Variants in WDR33 observed in about 807,000 individuals in gnomAD.
The protein encoded by WDR33 is WD repeat domain 33.
In WDR33, 47 loss-of-function variants were observed where a neutral mutation model predicts 164.9. The observed-to-expected ratio is 0.29, with a 90% confidence interval of 0.23 to 0.36. The LOEUF (loss-of-function observed/expected upper bound fraction) is 0.36, where lower values mean the gene tolerates loss of function less well. Ranked by LOEUF, WDR33 falls within the 10% of genes least tolerant of loss-of-function variation. The pLI is 1.00. For synonymous variants in WDR33, 505 were observed against 589.0 expected (o/e 0.86, Z 2.06); for missense variants, 1,137 against 1,754.1 (o/e 0.65, Z 6.28).
At position 127,763,901 on chromosome 2, in the gene WDR33, G is replaced by T; in HGVS notation, c.627-742C>A. 3.0e-6 allele frequency: 3 copies of T among 985,636 alleles called. No homozygotes were observed. Among genetic ancestry groups the T allele is most frequent in the Non-Finnish European group, 2.4e-6 (2 of 830,164 alleles). 61.1% of individuals were successfully genotyped at this position (985,636 alleles called of 1,614,324 possible). On this transcript the variant is annotated intron_variant, in intron 6 of 21. Coordinates refer to ENST00000322313, the MANE Select transcript of WDR33 (RefSeq NM_018383.5). This position sits in a 1 kb window ranked among gnomAD's most constrained non-coding sequence, Gnocchi z 4.5. ...ACCAGCTGTGTAAACTCAATGTATG[G>T]GCATGACACTAAGGCAAAATCTACA...
rs529202766 is a variant in WDR33, at chr2:127,736,200, G to A, written c.725-9423C>T. The A allele has an allele frequency of 7.8e-5, 77 of 985,398 alleles. 1 individual carries two copies. The South Asian group carries it at 3.2e-3, about 41-fold the overall frequency. 61.0% of individuals were successfully genotyped at this position (985,398 alleles called of 1,614,324 possible). A position where few individuals can be genotyped will look rare whatever the true frequency, so the allele number is the denominator to read the frequency against. On this transcript the variant is annotated intron_variant, in intron 7 of 21. Transcript: ENST00000322313. Reference sequence around the variant, plus strand: ...GTACTTCCAAGTCTGCCAGAAGGCTGATTTTGGAAATGTGAAACACTAGCT... The same window carrying A: ...GTACTTCCAAGTCTGCCAGAAGGCTAATTTTGGAAATGTGAAACACTAGCT...
rs1031766815 is a variant in WDR33, at chr2:127,706,092, AAAC to A, written c.*228_*230del. ...AAAGATCCCAGCTTTTATCTTCACA[AAAC>A]AACATGGGAGTTGGGGCAATGAGGG... On this transcript the variant is annotated 3_prime_UTR_variant, in exon 22 of 22. Coordinates refer to ENST00000322313, the MANE Select transcript of WDR33 (RefSeq NM_018383.5). This position sits in a 1 kb window ranked among gnomAD's most constrained non-coding sequence, Gnocchi z 5.1. 1 of 399,780 alleles carries A rather than the reference AAAC, an allele frequency of 2.5e-6. No homozygotes were observed. The allele number at this position is 399,780 out of a possible 1,614,324, so 24.8% of individuals were successfully genotyped here.
chr2:127,711,768 A>ATTTTT lies in WDR33; in HGVS notation c.3308+1814_3308+1815insAAAAA, dbSNP rs1441301170. On this transcript the variant is annotated intron_variant, in intron 18 of 21. Transcript: ENST00000322313. ...CATATACAGATATATATATATATAT[A>ATTTTT]TATATATATATATTTTTTTTTTGAG... 2.1e-3 allele frequency among the ~76,000 whole-genome samples: 146 copies of ATTTTT among 70,232 alleles called. 6 individuals carry two copies. The highest frequency in any genetic ancestry group is 1.9e-3 in the African/African-American group (17 of 9,006). The allele number at this position is 70,232 out of a possible 152,430, so 46.1% of individuals were successfully genotyped here.
chr2:127,785,547 T>C (rs567733456), intron 1 of WDR33, among the ~76,000 whole-genome samples: 1 of 152,238 alleles, frequency 6.6e-6, no homozygotes. Flanking sequence ...CTTTCCAGAA[T>C]GTCATACAGT....
chr2:127,771,608 T>C (rs1374620993), intron 1 of WDR33, among the ~76,000 whole-genome samples: 7 of 151,976 alleles, frequency 4.6e-5, no homozygotes, highest in Non-Finnish European at 1.5e-5. Flanking sequence ...GAGATTCCCA[T>C]CTCTACAAAA....
At chr2:127,750,688 A>ATATG (rs1399892007) in intron 7 of WDR33, among the ~76,000 whole-genome samples, 2 of 50,918 alleles carry the variant, frequency 3.9e-5, no homozygotes, top group African/African-American at 2.4e-4. Context: ...ATATATATAT[A>ATATG]TATATATATA....
chr2:127,724,860 C>T lies in WDR33; in HGVS notation c.1085+27G>A, dbSNP rs1686527899. On this transcript the variant is annotated intron_variant, in intron 10 of 21. Coordinates refer to ENST00000322313, the MANE Select transcript of WDR33 (RefSeq NM_018383.5). This position sits in a 1 kb window ranked among gnomAD's most constrained non-coding sequence, Gnocchi z 4.8. ...TCACGTGCTCTCTTCACAAAATACA[C>T]TACTTTTTCACATAAATCTTACATA... The T allele has an allele frequency of 1.2e-6, 2 of 1,611,890 alleles. No homozygotes were observed. Among genetic ancestry groups the T allele is most frequent in the African/African-American group, 2.7e-5 (2 of 74,980 alleles).
At chr2:127,784,816 C>T (rs1688504522) in intron 1 of WDR33, among the ~76,000 whole-genome samples, 1 of 152,144 alleles carries the variant, frequency 6.6e-6, no homozygotes, top group African/African-American at 2.4e-5. Flanking sequence ...ATACTGGTTC[C>T]AGAGAATTAC....
In WDR33 at chr2:127,706,140, C is replaced by A; in HGVS notation, c.*183G>T. On this transcript the variant is annotated 3_prime_UTR_variant, in exon 22 of 22. Transcript: ENST00000322313. The surrounding 1 kb of genome is among the most constrained non-coding windows in gnomAD (Gnocchi z 5.1). ...TGAGGGTGGACAGGACAGGGCCAGCCAGGCTGGTAGCTGGCAGCAGTCTCT... is the reference window on the plus strand; with the variant it reads ...TGAGGGTGGACAGGACAGGGCCAGCAAGGCTGGTAGCTGGCAGCAGTCTCT... The A allele has an allele frequency of 2.2e-6, 1 of 461,900 alleles. No homozygotes were observed. The highest frequency in any genetic ancestry group is 7.0e-5 in the South Asian group (1 of 14,270). 28.6% of individuals were successfully genotyped at this position (461,900 alleles called of 1,614,324 possible). A position where few individuals can be genotyped will look rare whatever the true frequency, so the allele number is the denominator to read the frequency against.
rs1415143244 is a variant in WDR33, at chr2:127,724,440, T to C, written c.1089A>G (p.Val363=). 1 of 1,613,610 alleles carries C rather than the reference T, an allele frequency of 6.2e-7. No homozygotes were observed. Among genetic ancestry groups the C allele is most frequent in the Non-Finnish European group, 8.5e-7 (1 of 1,179,700 alleles). The change falls in exon 11 of 22, where the codon GTA becomes GTG. Residue 363 remains valine (V), a synonymous_variant. Transcript: ENST00000322313. This position sits in a 1 kb window ranked among gnomAD's most constrained non-coding sequence, Gnocchi z 4.8. ...TCTCCATCCCACCCACTTCCTTCTC[T>C]ACCCTGCAACAGCACCAAAGAGAGA... is the stretch of plus-strand genomic sequence containing the variant. ...DGSLLFWHVG[V]EKEVGGMEMA... is the part of the protein sequence containing the mutation.
Position 127,717,020 on chromosome 2 carries a change from G to A in WDR33, c.2869+135C>T. On this transcript the variant is annotated intron_variant, in intron 17 of 21. Transcript: ENST00000322313. This position sits in a 1 kb window ranked among gnomAD's most constrained non-coding sequence, Gnocchi z 5.6. ...ACAACCAAAGACAAAGCTCCTACCT[G>A]AATGACCACACCCTTATTTTGCCCA... 1.1e-6 allele frequency: 1 copy of A among 871,564 alleles called. No individual in the cohort carries two copies. The highest frequency in any genetic ancestry group is 2.2e-5 in the Admixed American group (1 of 45,336). The allele number at this position is 871,564 out of a possible 1,614,324, so 54.0% of individuals were successfully genotyped here.
intron 1 of WDR33, among the ~76,000 whole-genome samples, chr2:127,771,805 G>A (rs1182286024): frequency 1.4e-5 from 2 of 140,050 alleles, no homozygotes; most frequent in African/African-American, 5.1e-5. Flanking sequence ...GGGAGGGAGG[G>A]AGGGGGCAGG....
At chr2:127,793,008 G>C (rs1407821344) in intron 1 of WDR33, among the ~76,000 whole-genome samples, 1 of 152,082 alleles carries the variant, frequency 6.6e-6, no homozygotes, top group Admixed American at 6.6e-5. Flanking sequence ...AATTAGATGA[G>C]TTAGCATAAA....
chr2:127,781,740 T>A (rs12988929), intron 1 of WDR33, among the ~76,000 whole-genome samples: 20,115 of 151,058 alleles, frequency 0.13, 1,452 homozygotes, highest in South Asian at 0.26. Flanking sequence ...GGCTCATGCC[T>A]ATAATCCTAG....
At chr2:127,794,403 G>A (rs1688952209) in intron 1 of WDR33, among the ~76,000 whole-genome samples, 1 of 151,564 alleles carries the variant, frequency 6.6e-6, no homozygotes, top group African/African-American at 2.4e-5. Flanking sequence ...GGGGGGCTGA[G>A]GCAGGAGAAT....
chr2:127,792,486 C>A (rs1271779040), intron 1 of WDR33, among the ~76,000 whole-genome samples: 1 of 151,268 alleles, frequency 6.6e-6, no homozygotes, highest in Non-Finnish European at 1.5e-5. Flanking sequence ...CATGGTGAAA[C>A]CCCGTCTCTA....
rs1374528488 is a variant in WDR33, at chr2:127,719,021, T to C, written c.2760+244A>G. Among the ~76,000 whole-genome samples the C allele has an allele frequency of 6.6e-6, 1 of 152,170 alleles. No homozygotes were observed. The highest frequency in any genetic ancestry group is 1.5e-5 in the Non-Finnish European group (1 of 68,028). ...GTTGACCTTTTCTGAAGAAACTCTA[T>C]TACCAAAAAAAGAAAAATGGTGAGA... On this transcript the variant is annotated intron_variant, in intron 16 of 21. Coordinates refer to ENST00000322313, the MANE Select transcript of WDR33 (RefSeq NM_018383.5). This position sits in a 1 kb window ranked among gnomAD's most constrained non-coding sequence, Gnocchi z 6.5.
intron 7 of WDR33, among the ~76,000 whole-genome samples, chr2:127,762,033 A>T (rs1289934610): frequency 1.3e-5 from 2 of 152,212 alleles, no homozygotes; most frequent in African/African-American, 4.8e-5. Context: ...TAAAGCTCTG[A>T]AAAACTGTGA....
intron 7 of WDR33, among the ~76,000 whole-genome samples, chr2:127,761,496 A>C (rs1318498872): frequency 6.6e-6 from 1 of 152,150 alleles, no homozygotes; most frequent in Non-Finnish European, 1.5e-5. Flanking sequence ...CACCGCGCCC[A>C]GCTACTCTAG....
Sources: allele counts gnomAD v4.1 joint callset (sites outside exome capture counted in the v4.1 genomes callset), GRCh38; gene constraint gnomAD v4.1.1; non-coding constraint Gnocchi (gnomAD v3.1); transcripts MANE v1.5; gene names NCBI Gene and HGNC (gene_info 2026-07-23, HGNC 2026-07-21).